FBP1: variants seen among roughly 807,000 people sequenced by gnomAD.
FBP1 encodes the protein fructose-bisphosphatase 1.
FBP1 carries 22 observed loss-of-function variants against 29.9 expected under a neutral mutation model. The ratio of observed to expected loss-of-function variants is 0.74; its 90% CI spans 0.53 to 1.05. FBP1 has a LOEUF of 1.05. Among genes scored for constraint, FBP1 ranks in the 50% least tolerant of loss-of-function variants. The pLI is 0.00. For synonymous variants in FBP1, 175 were observed against 178.6 expected (o/e 0.98, Z 0.16); for missense variants, 345 against 448.2 (o/e 0.77, Z 2.08).
intron 1 of FBP1, among the ~76,000 whole-genome samples, chr9:94,632,674 AAAAT>A (rs976302858): frequency 2.1e-4 from 32 of 152,174 alleles, no homozygotes; most frequent in African/African-American, 7.2e-4. Flanking sequence ...CTCTGTCTGA[AAAAT>A]AAAGAAATAT....
intron 1 of FBP1, among the ~76,000 whole-genome samples, chr9:94,635,014 G>A (rs1356245599): frequency 2.0e-5 from 3 of 150,248 alleles, no homozygotes; most frequent in Admixed American, 6.7e-5. Context: ...ACTTGAACCC[G>A]GGAGGCAGAG....
chr9:94,606,722 C>A (rs569782485), intron 5 of FBP1, 93 bp downstream of exon 5: 9 of 1,298,192 alleles, frequency 6.9e-6, no homozygotes, highest in East Asian at 2.5e-5. Context: ...TCCCAAGGAT[C>A]CCTTTCATCT....
chr9:94,625,560 C>A (rs1828012255), intron 1 of FBP1, among the ~76,000 whole-genome samples: 2 of 152,086 alleles, frequency 1.3e-5, no homozygotes, highest in Admixed American at 1.3e-4. Flanking sequence ...CTTTGGGAGG[C>A]CGAGGCGAGC....
intron 1 of FBP1, among the ~76,000 whole-genome samples, chr9:94,638,864 A>G (rs1828238399): frequency 6.6e-6 from 1 of 152,130 alleles, no homozygotes; most frequent in Non-Finnish European, 1.5e-5. Context: ...TGCTCAGGGC[A>G]GAGAAGAGGA....
At chr9:94,619,831 ACC>A (rs1827917346) in intron 2 of FBP1, among the ~76,000 whole-genome samples, 2 of 147,560 alleles carry the variant, frequency 1.4e-5, no homozygotes, top group South Asian at 4.4e-4. Context: ...CCAAGATCAC[ACC>A]ACTGTACACC....
intron 3 of FBP1, among the ~76,000 whole-genome samples, chr9:94,615,398 T>C (rs1827848772): frequency 6.6e-6 from 1 of 152,184 alleles, no homozygotes; most frequent in East Asian, 1.9e-4. Flanking sequence ...TTGGGGGGAC[T>C]GAGATGGAGA....
Position 94,624,135 on chromosome 9 carries a change from G to A in FBP1, c.171-3644C>T, listed in dbSNP as rs567330005. On this transcript the variant is annotated intron_variant, in intron 1 of 6. Coordinates refer to ENST00000375326, the MANE Select transcript of FBP1 (RefSeq NM_000507.4). ...TGGATCCACCTGAGGTCAGGAGATC[G>A]AGACCAGCCTGATCAACATGGTGAA... is the stretch of plus-strand genomic sequence containing the variant. Among the ~76,000 whole-genome samples the A allele has an allele frequency of 6.0e-5, 9 of 149,042 alleles. No individual in the cohort carries two copies. The South Asian group carries it at 1.5e-3, about 25-fold the overall frequency.
intron 3 of FBP1, among the ~76,000 whole-genome samples, 197 bp downstream of exon 3, chr9:94,617,571 C>T (rs954091778): frequency 2.0e-5 from 3 of 152,156 alleles, no homozygotes; most frequent in Non-Finnish European, 4.4e-5. Flanking sequence ...ATATTTTACC[C>T]TATATTCTCT....
chr9:94,606,905 CTTTT>C lies in FBP1; in HGVS notation c.611_614del (p.Lys204ArgfsTer72), dbSNP rs761470205. On this transcript the variant is annotated frameshift_variant, in exon 5 of 7. Transcript: ENST00000375326. LOFTEE classifies it high-confidence loss of function. ...CGTTAAGGCTGTAGATTTTACCTTT[CTTTT>C]TTATCTTCACATCCTTGTCCACCAA... The C allele has an allele frequency of 1.9e-6, 3 of 1,614,112 alleles. No homozygotes were observed. The South Asian group carries it at 3.3e-5, about 18-fold the overall frequency.
chr9:94,616,916 TC>T (rs1326938247), intron 3 of FBP1, among the ~76,000 whole-genome samples: 1 of 123,052 alleles, frequency 8.1e-6, no homozygotes. Context: ...CTCCTCTCTC[TC>T]CTCTCTCTCT....
chr9:94,619,499 T>A (rs1285492271), intron 2 of FBP1, among the ~76,000 whole-genome samples: 1 of 152,158 alleles, frequency 6.6e-6, no homozygotes, highest in African/African-American at 2.4e-5. Context: ...AGTCATTTGT[T>A]GTTGAGGCCC....
intron 1 of FBP1, among the ~76,000 whole-genome samples, chr9:94,625,400 T>G (rs896235229): frequency 6.6e-6 from 1 of 151,904 alleles, no homozygotes; most frequent in Admixed American, 6.6e-5. Flanking sequence ...AGCACCTGCA[T>G]GGACAGGGCG....
intron 1 of FBP1, among the ~76,000 whole-genome samples, chr9:94,624,447 A>G (rs1289241164): frequency 6.6e-6 from 1 of 151,870 alleles, no homozygotes; most frequent in African/African-American, 2.4e-5. Flanking sequence ...GAGGTCAGAA[A>G]ATTGAGACCA....
chr9:94,625,791 T>A (rs1242273499), intron 1 of FBP1, among the ~76,000 whole-genome samples: 1 of 151,262 alleles, frequency 6.6e-6, no homozygotes, highest in African/African-American at 2.4e-5. Flanking sequence ...CGAGACTCCG[T>A]CAAAAAGAAA....
In FBP1 at chr9:94,623,804, T is replaced by C. The variant is rs370954806; in HGVS notation, c.171-3313A>G. On this transcript the variant is annotated intron_variant, in intron 1 of 6. Coordinates refer to ENST00000375326, the MANE Select transcript of FBP1 (RefSeq NM_000507.4). ...GCTGGGGTTACAGTGCCGAACACGG[T>C]AGATCAGATCCCGCCCTTGTGGAGC... is the stretch of plus-strand genomic sequence containing the variant. Among the ~76,000 whole-genome samples the C allele has an allele frequency of 5.3e-5, 8 of 152,330 alleles. No homozygotes were observed. The South Asian group carries it at 1.7e-3, about 32-fold the overall frequency.
chr9:94,605,466 G>T lies in FBP1; in HGVS notation c.816C>A (p.Pro272=). 6.2e-7 allele frequency: 1 copy of T among 1,613,772 alleles called. No individual in the cohort carries two copies. The change falls in exon 6 of 7, where the codon CCC becomes CCA. Residue 272 remains proline (P), a synonymous_variant. Coordinates refer to ENST00000375326, the MANE Select transcript of FBP1 (RefSeq NM_000507.4). The part of the protein sequence containing the change: ...IFLYPANKKS[P]NGKLRLLYEC... ...CAGGGGACACCCTTACCTTTCCATT[G>T]GGGCTCTTCTTGTTAGCGGGGTACA...
rs1210861138 is a variant in FBP1, at chr9:94,620,223, G to A, written c.333+106C>T. On this transcript the variant is annotated intron_variant, in intron 2 of 6. Coordinates refer to ENST00000375326, the MANE Select transcript of FBP1 (RefSeq NM_000507.4). The stretch of plus-strand genomic sequence containing the variant: ...ATGAAAAGACCACAGCAGGGATCTA[G>A]AGGGACTCCCAGAAACCCAGCTCAG... 6 of 1,145,998 alleles carry A rather than the reference G, an allele frequency of 5.2e-6. No homozygotes were observed. In the East Asian group the frequency reaches 1.4e-4, roughly 27 times the overall value. 71.0% of individuals were successfully genotyped at this position (1,145,998 alleles called of 1,614,324 possible).
At chr9:94,610,736 G>A (rs965155922) in intron 3 of FBP1, among the ~76,000 whole-genome samples, 2 of 152,132 alleles carry the variant, frequency 1.3e-5, no homozygotes, top group Non-Finnish European at 2.9e-5. Flanking sequence ...GGCATGTGCC[G>A]TAATCCATTT....
intron 1 of FBP1, among the ~76,000 whole-genome samples, chr9:94,621,554 G>T (rs1827951557): frequency 1.3e-5 from 2 of 152,086 alleles, no homozygotes; most frequent in South Asian, 4.1e-4. Context: ...TTAAATCAGT[G>T]TTTCTTAACT....
Sources: allele counts gnomAD v4.1 joint callset (sites outside exome capture counted in the v4.1 genomes callset), GRCh38; gene constraint gnomAD v4.1.1; transcripts MANE v1.5; gene names NCBI Gene and HGNC (gene_info 2026-07-23, HGNC 2026-07-21).